NALCN: variants seen among roughly 807,000 people sequenced by gnomAD.
NALCN encodes the protein sodium leak channel NALCN.
A neutral mutation model predicts 225.3 loss-of-function variants in NALCN; 111 were observed. That is an observed-to-expected ratio of 0.49 (90% CI 0.42 to 0.58). The LOEUF (loss-of-function observed/expected upper bound fraction) is 0.58. NALCN is among the 20% of genes least tolerant of loss of function. NALCN has a pLI of 0.00. For synonymous variants in NALCN, 764 were observed against 769.0 expected (o/e 0.99, Z 0.11); for missense variants, 1,378 against 2,202.4 (o/e 0.63, Z 7.49).
intron 12 of NALCN, among the ~76,000 whole-genome samples, chr13:101,236,023 C>T (rs2041541428): frequency 6.6e-6 from 1 of 152,080 alleles, no homozygotes; most frequent in Non-Finnish European, 1.5e-5. Flanking sequence ...ATTTTATTTC[C>T]CAAATATTTA....
intron 15 of NALCN, among the ~76,000 whole-genome samples, chr13:101,160,919 A>C (rs911107296): frequency 1.3e-5 from 2 of 152,252 alleles, no homozygotes; most frequent in African/African-American, 2.4e-5. Context: ...GACTATTTGC[A>C]ATGGAACTGA....
chr13:101,262,736 T>C (rs527575761), intron 10 of NALCN, among the ~76,000 whole-genome samples: 3 of 152,294 alleles, frequency 2.0e-5, no homozygotes, highest in Non-Finnish European at 4.4e-5. Context: ...ATGTGTTTCA[T>C]GGGGTCTTCC....
intron 43 of NALCN, among the ~76,000 whole-genome samples, chr13:101,056,667 T>C (rs2031305186): frequency 6.6e-6 from 1 of 152,174 alleles, no homozygotes; most frequent in African/African-American, 2.4e-5. Flanking sequence ...CTGCAGTATC[T>C]GGCCCCCAGC....
intron 1 of NALCN, among the ~76,000 whole-genome samples, chr13:101,414,457 G>A (rs182543023): frequency 2.0e-5 from 3 of 152,170 alleles, no homozygotes; most frequent in Admixed American, 2.0e-4. Flanking sequence ...ATACAGCTAT[G>A]GAAATTCTGA....
chr13:101,179,968 C>G (rs2039125810), intron 14 of NALCN, among the ~76,000 whole-genome samples: 1 of 152,096 alleles, frequency 6.6e-6, no homozygotes, highest in African/African-American at 2.4e-5. Flanking sequence ...TTATCTAACA[C>G]CAGTCACAAG....
chr13:101,378,467 C>T, intron 4 of NALCN, 103 bp downstream of exon 4: 1 of 783,236 alleles, frequency 1.3e-6, no homozygotes, highest in Middle Eastern at 3.8e-4. Flanking sequence ...ATTACACAAT[C>T]ACATTTGATA....
intron 7 of NALCN, among the ~76,000 whole-genome samples, chr13:101,335,945 T>C (rs2045363999): frequency 6.6e-6 from 1 of 152,124 alleles, no homozygotes; most frequent in Non-Finnish European, 1.5e-5. Context: ...AGCAGCAGCA[T>C]CAACAAAATT....
rs374469553 is a variant in NALCN at position 101,069,986 on chromosome 13, A to G, written c.4198-1159T>C. ...AGTCTTGAACCCCTCAAAGTCATCC[A>G]TAATGGCTGGAATCAACTTCTTCCA... On this transcript the variant is annotated intron_variant, in intron 37 of 43. Transcript: ENST00000251127. 4.4e-4 allele frequency among the ~76,000 whole-genome samples: 66 copies of G among 151,618 alleles called. 2 individuals carry two copies. The highest frequency in any genetic ancestry group is 1.5e-3 in the African/African-American group (63 of 41,392).
At chr13:101,195,351 T>C (rs1024026468) in intron 13 of NALCN, among the ~76,000 whole-genome samples, 1 of 152,246 alleles carries the variant, frequency 6.6e-6, no homozygotes, top group African/African-American at 2.4e-5. Context: ...TTTTCCCCTA[T>C]ACATTTCTTA....
intron 14 of NALCN, chr13:101,181,042 C>T (rs1158247812): frequency 3.9e-6 from 2 of 514,408 alleles, no homozygotes; most frequent in Non-Finnish European, 7.8e-6. Context: ...AGCATTTAGA[C>T]TTGGAGAGCC....
chr13:101,374,954 G>A (rs1890233), intron 6 of NALCN, among the ~76,000 whole-genome samples: 31,652 of 152,070 alleles, frequency 0.21, 3,440 homozygotes, highest in Non-Finnish European at 0.24. Flanking sequence ...ATTTCTGTGA[G>A]AGACTAATAA....
At chr13:101,095,217 T>G (rs542069867) in intron 28 of NALCN, among the ~76,000 whole-genome samples, 79 of 152,276 alleles carry the variant, frequency 5.2e-4, no homozygotes, top group African/African-American at 1.9e-3. Context: ...CATCAGATCC[T>G]CCTTTAAAGA....
chr13:101,060,809 G>A (rs1035996150), intron 41 of NALCN, among the ~76,000 whole-genome samples: 2 of 152,166 alleles, frequency 1.3e-5, no homozygotes, highest in Non-Finnish European at 2.9e-5. Flanking sequence ...ATATACTAAA[G>A]CCAGGACTCC....
chr13:101,315,405 C>G (rs531240), intron 7 of NALCN, among the ~76,000 whole-genome samples: 1 of 151,882 alleles, frequency 6.6e-6, no homozygotes, highest in Non-Finnish European at 1.5e-5. Context: ...GGATCACTAG[C>G]AGTATAGATC....
At chr13:101,362,442 G>A (rs1390891939) in intron 6 of NALCN, among the ~76,000 whole-genome samples, 2 of 151,918 alleles carry the variant, frequency 1.3e-5, no homozygotes, top group East Asian at 1.9e-4. Flanking sequence ...TTAACATATG[G>A]AAATCAATAA....
chr13:101,369,166 ATGTG>A lies in NALCN; in HGVS notation c.644+7530_644+7533del, dbSNP rs56739782. On this transcript the variant is annotated intron_variant, in intron 6 of 43. Coordinates refer to ENST00000251127, the MANE Select transcript of NALCN (RefSeq NM_052867.4). Reference sequence around the variant, plus strand: ...GTCACATAAAAAGAAGACAAAATAAATGTGTGTGTGTGTGTGTGTGTGTGTGTGT... The same window carrying A: ...GTCACATAAAAAGAAGACAAAATAAATGTGTGTGTGTGTGTGTGTGTGTGT... Among the ~76,000 whole-genome samples, 312 of 146,408 alleles carry A rather than the reference ATGTG, an allele frequency of 2.1e-3. 1 individual carries two copies. Among genetic ancestry groups the A allele is most frequent in the Middle Eastern group, 0.017 (5 of 290 alleles).
At chr13:101,294,679 G>T (rs944169392) in intron 7 of NALCN, among the ~76,000 whole-genome samples, 1 of 151,360 alleles carries the variant, frequency 6.6e-6, no homozygotes, top group Non-Finnish European at 1.5e-5. Context: ...TTTAGTGAGG[G>T]TGGGGGTAGT....
chr13:101,291,949 A>G (rs766786320), intron 9 of NALCN, 41 bp downstream of exon 9: 6 of 1,594,920 alleles, frequency 3.8e-6, no homozygotes, highest in African/African-American at 1.3e-5. Flanking sequence ...AGACATGTGC[A>G]TGCTCGAATG....
intron 12 of NALCN, among the ~76,000 whole-genome samples, chr13:101,232,098 C>T (rs181834015): frequency 1.2e-4 from 18 of 151,198 alleles, no homozygotes; most frequent in African/African-American, 4.1e-4. Context: ...TAGAGAAAAC[C>T]AGCTTAAGAA....
Sources: gnomAD v4.1 joint callset for allele counts (sites outside exome capture counted in the v4.1 genomes callset) on GRCh38, gnomAD v4.1.1 for gene constraint, MANE v1.5 for transcripts, NCBI Gene and HGNC (gene_info 2026-07-23, HGNC 2026-07-21) for gene names.